Variants in AIMP1 observed in about 807,000 individuals in gnomAD.
The protein encoded by AIMP1 is aminoacyl tRNA synthase complex-interacting multifunctional protein 1.
A neutral mutation model predicts 33.1 loss-of-function variants in AIMP1; 24 were observed. That is an observed-to-expected ratio of 0.73 (90% CI 0.53 to 1.02). AIMP1 has a LOEUF of 1.02. Ranked by LOEUF, AIMP1 falls within the 50% of genes least tolerant of loss-of-function variation. The pLI is 0.00. For synonymous variants in AIMP1, 120 were observed against 121.5 expected (o/e 0.99, Z 0.08); for missense variants, 367 against 364.8 (o/e 1.01, Z -0.05).
intron 4 of AIMP1, 148 bp from the exon 5 acceptor site, chr4:106,331,524 C>T: frequency 3.0e-6 from 2 of 671,022 alleles, no homozygotes; most frequent in Admixed American, 2.8e-5. Flanking sequence ...TAATTTTTTT[C>T]TTTGTTATTA....
rs532846421 is a variant in AIMP1, at chr4:106,322,864, A to G, written c.-25-2121A>G. Among the ~76,000 whole-genome samples the G allele has an allele frequency of 8.3e-4, 126 of 152,066 alleles. 3 individuals are homozygous for G. The highest frequency in any genetic ancestry group is 7.9e-3 in the South Asian group (38 of 4,810). ...ATTAGTCAGGTGGCAGGCACCTGTA[A>G]TCCCGGCTATTTGGGAGGCTAAGGC... On this transcript the variant is annotated intron_variant, in intron 1 of 6. Coordinates refer to ENST00000672341, the MANE Select transcript of AIMP1 (RefSeq NM_001142416.2).
chr4:106,326,943 A>G (rs1228478839), intron 2 of AIMP1, among the ~76,000 whole-genome samples: 1 of 152,002 alleles, frequency 6.6e-6, no homozygotes, highest in Non-Finnish European at 1.5e-5. Context: ...ACCCCCAGCT[A>G]CTTTTTGTAT....
At chr4:106,325,200 A>C (rs1769413291) in intron 2 of AIMP1, 82 bp downstream of exon 2, 1 of 1,278,302 alleles carries the variant, frequency 7.8e-7, no homozygotes, top group East Asian at 2.5e-5. Flanking sequence ...TTACCGCTTT[A>C]AGTTATTTAA....
intron 5 of AIMP1, among the ~76,000 whole-genome samples, chr4:106,332,614 CATAT>C (rs34698470): frequency 1.5e-4 from 22 of 144,668 alleles, no homozygotes; most frequent in African/African-American, 4.8e-4. Context: ...TACAGAGATA[CATAT>C]ATATATATAT....
chr4:106,325,665 G>A (rs1330881688), intron 2 of AIMP1, among the ~76,000 whole-genome samples: 1 of 151,940 alleles, frequency 6.6e-6, no homozygotes, highest in Non-Finnish European at 1.5e-5. Context: ...AGTTTTGCCA[G>A]TTTGAAAATC....
chr4:106,346,374 CAG>C (rs765764550), intron 6 of AIMP1, among the ~76,000 whole-genome samples: 10 of 152,070 alleles, frequency 6.6e-5, no homozygotes, highest in Non-Finnish European at 1.5e-5. Flanking sequence ...TATGGTTTGT[CAG>C]GGGGCAGAGT....
At chr4:106,345,637 G>C (rs1027927067) in intron 6 of AIMP1, among the ~76,000 whole-genome samples, 2 of 151,662 alleles carry the variant, frequency 1.3e-5, no homozygotes, top group African/African-American at 4.8e-5. Flanking sequence ...TCTAATGTAG[G>C]TGTATCATTC....
At chr4:106,321,079 G>C (rs546185148) in intron 1 of AIMP1, among the ~76,000 whole-genome samples, 1 of 152,168 alleles carries the variant, frequency 6.6e-6, no homozygotes, top group Non-Finnish European at 1.5e-5. Context: ...GTGCAGTGGC[G>C]TGATCTTGGC....
chr4:106,323,845 A>G (rs1002280015), intron 1 of AIMP1, among the ~76,000 whole-genome samples: 2 of 152,108 alleles, frequency 1.3e-5, no homozygotes, highest in Non-Finnish European at 2.9e-5. Context: ...GGTGCATTTT[A>G]GAAAAATACA....
chr4:106,336,798 C>T, intron 5 of AIMP1, 71 bp from the exon 6 acceptor site: 1 of 1,400,642 alleles, frequency 7.1e-7, no homozygotes, highest in Non-Finnish European at 1.0e-6. Context: ...TTAGGTGTAG[C>T]TTAATGTAGT....
intron 4 of AIMP1, among the ~76,000 whole-genome samples, chr4:106,329,001 A>G (rs1024176872): frequency 6.6e-6 from 1 of 151,906 alleles, no homozygotes; most frequent in Admixed American, 6.6e-5. Flanking sequence ...TTGCCTTTAT[A>G]AATAATTATG....
At chr4:106,333,467 A>G (rs1769754081) in intron 5 of AIMP1, among the ~76,000 whole-genome samples, 1 of 152,190 alleles carries the variant, frequency 6.6e-6, no homozygotes, top group Admixed American at 6.5e-5. Context: ...TCTACTTCCT[A>G]CTTAACAAGC....
At chr4:106,329,773 T>C (rs67887918) in intron 4 of AIMP1, among the ~76,000 whole-genome samples, 673 of 34,244 alleles carry the variant, frequency 0.02, 3 homozygotes, top group Middle Eastern at 0.043. Flanking sequence ...GCTACATATC[T>C]TTTTTTTTTT....
rs112090135 is a variant in AIMP1 at position 106,343,986 on chromosome 4, G to C, written c.773-3540G>C. The stretch of plus-strand genomic sequence containing the variant: ...TCCTCTTGAAAACCCATTTTAATCA[G>C]GTTTCTTTCCCCACTGTGTTTTGCC... On this transcript the variant is annotated intron_variant, in intron 6 of 6. Transcript: ENST00000672341. 2.0e-5 allele frequency among the ~76,000 whole-genome samples: 3 copies of C among 152,020 alleles called. No individual in the cohort carries two copies. The South Asian group carries it at 6.2e-4, about 32-fold the overall frequency.
At chr4:106,317,878 T>A (rs1769029550) in intron 1 of AIMP1, among the ~76,000 whole-genome samples, 1 of 152,216 alleles carries the variant, frequency 6.6e-6, no homozygotes, top group African/African-American at 2.4e-5. Flanking sequence ...ATGGGTCTAG[T>A]CTGCAAATCT....
At chr4:106,323,605 T>TAAA (rs55681102) in intron 1 of AIMP1, among the ~76,000 whole-genome samples, 2 of 135,340 alleles carry the variant, frequency 1.5e-5, no homozygotes, top group Non-Finnish European at 1.6e-5. Flanking sequence ...AAAGTTAAAG[T>TAAA]AAAAAAAAAA....
chr4:106,321,096 C>T lies in AIMP1; in HGVS notation c.-25-3889C>T, dbSNP rs563086421. On this transcript the variant is annotated intron_variant, in intron 1 of 6. Coordinates refer to ENST00000672341, the MANE Select transcript of AIMP1 (RefSeq NM_001142416.2). ...GCAGTGGCGTGATCTTGGCTCGCTACAACCTCCACCTCCCAGCCGCCTGCC... is the reference window on the plus strand; with the variant it reads ...GCAGTGGCGTGATCTTGGCTCGCTATAACCTCCACCTCCCAGCCGCCTGCC... Among the ~76,000 whole-genome samples the T allele has an allele frequency of 1.3e-4, 20 of 152,306 alleles. No individual in the cohort carries two copies. In the South Asian group the frequency reaches 3.9e-3, roughly 30 times the overall value.
intron 1 of AIMP1, among the ~76,000 whole-genome samples, chr4:106,319,552 T>TA (rs1344065485): frequency 2.0e-5 from 3 of 152,268 alleles, no homozygotes; most frequent in East Asian, 1.9e-4. Flanking sequence ...GCTTTTGTCC[T>TA]AAAAAATGCA....
At chr4:106,316,270 G>A (rs1036896747), upstream of AIMP1, 2 of 363,566 alleles carry the variant, frequency 5.5e-6, no homozygotes, top group African/African-American at 4.2e-5. Context: ...CAACGCTGAG[G>A]AAAGACCCCG....
Sources: gnomAD v4.1 joint callset for allele counts (sites outside exome capture counted in the v4.1 genomes callset) on GRCh38, gnomAD v4.1.1 for gene constraint, MANE v1.5 for transcripts, NCBI Gene and HGNC (gene_info 2026-07-23, HGNC 2026-07-21) for gene names.